The following LYRM4 variants were observed in gnomAD, a reference collection of about 807,000 sequenced individuals.
LYRM4 encodes LYR motif-containing protein 4.
In LYRM4, 9 loss-of-function variants were observed where a neutral mutation model predicts 11.7. That is an observed-to-expected ratio of 0.77 (90% confidence interval 0.46 to 1.34). The LOEUF (loss-of-function observed/expected upper bound fraction) is 1.34. Ranked by LOEUF, LYRM4 falls within the 40% of genes most tolerant of loss-of-function variation. The pLI is 0.00. For missense variants in LYRM4, 133 were observed against 112.5 expected (o/e 1.18, Z -0.82); for synonymous variants, 42 against 40.4 (o/e 1.04, Z -0.15).
intron 1 of LYRM4, among the ~76,000 whole-genome samples, chr6:5,237,319 G>A (rs1049022481): frequency 6.6e-6 from 1 of 151,896 alleles, no homozygotes; most frequent in Non-Finnish European, 1.5e-5. Flanking sequence ...CTGCGCATGC[G>A]AAGGATCTAG....
At chr6:5,136,729 CAAG>C in intron 2 of LYRM4, 1 of 985,424 alleles carries the variant, frequency 1.0e-6, no homozygotes, top group Non-Finnish European at 1.2e-6. Context: ...TAAACCGCCC[CAAG>C]GAGCAGCGCC....
At chr6:5,050,129 G>A in the LYRM4 span, among the ~76,000 whole-genome samples, 1 of 152,252 alleles carries the variant, frequency 6.6e-6, no homozygotes, top group Non-Finnish European at 1.5e-5. Context: ...GCACTGGCAG[G>A]ATCTCTCAAA....
At chr6:5,097,645 C>T in the LYRM4 span, among the ~76,000 whole-genome samples, 1 of 152,156 alleles carries the variant, frequency 6.6e-6, no homozygotes, top group Admixed American at 6.5e-5. Context: ...GCCACTGTAC[C>T]CGGCCAATAA....
At chr6:5,181,450 T>C (rs913977429) in intron 2 of LYRM4, among the ~76,000 whole-genome samples, 2 of 152,166 alleles carry the variant, frequency 1.3e-5, no homozygotes, top group African/African-American at 2.4e-5. Flanking sequence ...ATACAATCTT[T>C]ACATCCTTAT....
At chr6:5,207,365 T>C (rs1468529412) in intron 2 of LYRM4, among the ~76,000 whole-genome samples, 1 of 148,400 alleles carries the variant, frequency 6.7e-6, no homozygotes, top group Non-Finnish European at 1.5e-5. Flanking sequence ...AGAAAATGAG[T>C]GCACGCCCTC....
chr6:5,141,488 C>T (rs933659886), intron 2 of LYRM4, among the ~76,000 whole-genome samples: 4 of 152,216 alleles, frequency 2.6e-5, no homozygotes, highest in African/African-American at 7.2e-5. Flanking sequence ...AGGATTTCTT[C>T]TGCCAACGCA....
At chr6:5,126,140 C>T (rs1763690689) in intron 2 of LYRM4, among the ~76,000 whole-genome samples, 1 of 152,208 alleles carries the variant, frequency 6.6e-6, no homozygotes, top group South Asian at 2.1e-4. Flanking sequence ...AAGATTATTT[C>T]CTTTACTTTT....
chr6:5,230,176 A>G (rs918304551), intron 1 of LYRM4, among the ~76,000 whole-genome samples: 2 of 152,208 alleles, frequency 1.3e-5, no homozygotes, highest in African/African-American at 4.8e-5. Flanking sequence ...TGAAGGCTGA[A>G]GGCTGAGAAC....
intron 1 of LYRM4, among the ~76,000 whole-genome samples, chr6:5,248,641 C>T (rs2127766596): frequency 6.6e-6 from 1 of 152,372 alleles, no homozygotes; most frequent in African/African-American, 2.4e-5. Context: ...TCCCTACTAG[C>T]CCTTCACAGC....
the LYRM4 span, chr6:5,042,684 G>T: frequency 6.6e-6 from 1 of 152,596 alleles, no homozygotes; most frequent in African/African-American, 2.4e-5. Context: ...CCTAGCCCAA[G>T]ACATCGCTAT....
At chr6:5,054,205 T>C in the LYRM4 span, 2 of 598,932 alleles carry the variant, frequency 3.3e-6, no homozygotes, top group Non-Finnish European at 4.2e-6. Context: ...AAGACATCAC[T>C]ATTTATCAAA....
chr6:5,256,287 C>G (rs905440809), intron 1 of LYRM4, among the ~76,000 whole-genome samples: 1 of 151,406 alleles, frequency 6.6e-6, no homozygotes, highest in Admixed American at 6.6e-5. Flanking sequence ...GTCAGGAGTT[C>G]AAGATCAGCC....
At chr6:5,041,384 G>A in the LYRM4 span, among the ~76,000 whole-genome samples, 9 of 152,176 alleles carry the variant, frequency 5.9e-5, no homozygotes, top group African/African-American at 2.2e-4. Flanking sequence ...TTTTTGTAAA[G>A]GTTACATGTT....
intron 2 of LYRM4, among the ~76,000 whole-genome samples, chr6:5,127,784 T>G (rs1042148276): frequency 4.6e-5 from 7 of 152,252 alleles, no homozygotes; most frequent in African/African-American, 1.4e-4. Context: ...CTTACGTGAT[T>G]TTTCTAATAG....
At chr6:5,039,364 C>T in the LYRM4 span, among the ~76,000 whole-genome samples, 1 of 152,184 alleles carries the variant, frequency 6.6e-6, no homozygotes, top group African/African-American at 2.4e-5. Context: ...CCAAGACAAA[C>T]ATATTCCTGC....
rs1465878287 is a variant in LYRM4 at position 5,124,483 on chromosome 6, T to A, written c.208-14992A>T. ...TGCTTCTTTGTTCTTTCTCCTCTTT[T>A]CCATTTCCGCCTTTTGCCTATGCCT... On this transcript the variant is annotated intron_variant, in intron 2 of 2. Transcript: ENST00000330636. Among the ~76,000 whole-genome samples, 7 of 152,218 alleles carry A rather than the reference T, an allele frequency of 4.6e-5. 1 individual carries two copies. In the East Asian group the frequency reaches 1.3e-3, roughly 29 times the overall value.
chr6:5,066,507 C>T, the LYRM4 span: 1 of 789,232 alleles, frequency 1.3e-6, no homozygotes, highest in Non-Finnish European at 2.3e-6. Context: ...TATTACTCCA[C>T]CACTTCTAGG....
At chr6:5,189,229 T>C (rs1760606867) in intron 2 of LYRM4, among the ~76,000 whole-genome samples, 1 of 152,260 alleles carries the variant, frequency 6.6e-6, no homozygotes, top group Admixed American at 6.5e-5. Flanking sequence ...CCCAGTTTTA[T>C]TTGTTTTGGA....
At chr6:5,192,599 C>T (rs934090708) in intron 2 of LYRM4, among the ~76,000 whole-genome samples, 7 of 152,186 alleles carry the variant, frequency 4.6e-5, no homozygotes, top group Non-Finnish European at 8.8e-5. Context: ...CTGTGAGGGG[C>T]ACCATCCACA....
Sources: allele counts gnomAD v4.1 joint callset (sites outside exome capture counted in the v4.1 genomes callset), GRCh38; gene constraint gnomAD v4.1.1; transcripts MANE v1.5; gene names NCBI Gene and HGNC (gene_info 2026-07-23, HGNC 2026-07-21).